The following PCDH7 variants were observed in gnomAD, a reference collection of about 807,000 sequenced individuals.
PCDH7 encodes protocadherin 7.
A neutral mutation model predicts 58.9 loss-of-function variants in PCDH7; 17 were observed. That is an observed-to-expected ratio of 0.29 (90% CI 0.20 to 0.43). PCDH7 has a LOEUF of 0.43. Among genes scored for constraint, PCDH7 ranks in the 20% least tolerant of loss-of-function variants. PCDH7 has a pLI of 1.00. For synonymous variants in PCDH7, 664 were observed against 616.4 expected, an observed-to-expected ratio of 1.08 and a Z score of -1.14; for missense variants, 1,274 against 1,441.0, an observed-to-expected ratio of 0.88 and a Z score of 1.88.
chr4:30,833,617 A>G (rs1041448922), intron 1 of PCDH7, among the ~76,000 whole-genome samples: 4 of 152,194 alleles, frequency 2.6e-5, no homozygotes, highest in Admixed American at 6.5e-5. Flanking sequence ...TACATGGGTA[A>G]GGATGTGGGC....
intron 1 of PCDH7, among the ~76,000 whole-genome samples, chr4:30,914,894 G>T (rs1363872549): frequency 1.3e-5 from 2 of 152,160 alleles, no homozygotes; most frequent in African/African-American, 2.4e-5. Context: ...TCTTGGAATA[G>T]AATTCTTTTC....
At chr4:30,958,681 A>T (rs1370476180) in intron 3 of PCDH7, among the ~76,000 whole-genome samples, 1 of 152,012 alleles carries the variant, frequency 6.6e-6, no homozygotes, top group Non-Finnish European at 1.5e-5. Context: ...GAAATAAATG[A>T]TTATGGTACA....
At chr4:30,901,906 C>G (rs943691240) in intron 1 of PCDH7, among the ~76,000 whole-genome samples, 3 of 152,140 alleles carry the variant, frequency 2.0e-5, no homozygotes, top group South Asian at 4.1e-4. Context: ...GTCTCAGTGC[C>G]TGTTTATCAA....
In PCDH7 at chr4:30,772,159, C is replaced by A. The variant is rs145448975; in HGVS notation, c.70+47563C>A. Among the ~76,000 whole-genome samples, 1,127 of 152,266 alleles carry A rather than the reference C, an allele frequency of 7.4e-3. 11 individuals are homozygous for A. Among genetic ancestry groups the A allele is most frequent in the African/African-American group, 0.025 (1,022 of 41,554 alleles). ...TGCTGGGATTACAGGCGTGAGCCAC[C>A]GCTCTCAGCTATGGGTCACCTTTTC... On this transcript the variant is annotated intron_variant, in intron 1 of 3. Coordinates refer to the PCDH7 transcript ENST00000509759.
At chr4:30,955,966 A>G (rs547367869) in intron 3 of PCDH7, among the ~76,000 whole-genome samples, 1 of 151,456 alleles carries the variant, frequency 6.6e-6, no homozygotes, top group East Asian at 2.0e-4. Flanking sequence ...GGGTGGATCA[A>G]GAGGTCAGGA....
chr4:30,796,279 A>G (rs1267804506), intron 1 of PCDH7, among the ~76,000 whole-genome samples: 5 of 152,200 alleles, frequency 3.3e-5, no homozygotes, highest in Non-Finnish European at 5.9e-5. Flanking sequence ...CTACTTCTCA[A>G]TAGGGGGCCT....
intron 3 of PCDH7, among the ~76,000 whole-genome samples, chr4:31,135,542 A>C (rs566264449): frequency 4.3e-4 from 66 of 152,266 alleles, no homozygotes; most frequent in Non-Finnish European, 7.1e-4. Context: ...TAGAAAACTA[A>C]CTGAAAATAG....
At chr4:30,754,458 A>G (rs1168815281) in intron 1 of PCDH7, among the ~76,000 whole-genome samples, 3 of 152,166 alleles carry the variant, frequency 2.0e-5, no homozygotes, top group Admixed American at 2.0e-4. Flanking sequence ...AAGGTTTTCT[A>G]TGCTTACAAA....
chr4:30,773,274 G>A (rs1721644990), intron 1 of PCDH7, among the ~76,000 whole-genome samples: 1 of 152,166 alleles, frequency 6.6e-6, no homozygotes, highest in African/African-American at 2.4e-5. Context: ...AGCCAGAAGG[G>A]AAACCCATGA....
intron 1 of PCDH7, among the ~76,000 whole-genome samples, chr4:30,774,815 G>A (rs1342008664): frequency 6.6e-6 from 1 of 152,134 alleles, no homozygotes; most frequent in Non-Finnish European, 1.5e-5. Context: ...ATGTAATGAA[G>A]ACATACCTAA....
chr4:30,730,295 GTT>G (rs1279290284), intron 1 of PCDH7, among the ~76,000 whole-genome samples: 2 of 151,548 alleles, frequency 1.3e-5, no homozygotes, highest in African/African-American at 4.8e-5. Context: ...GCTTTTCTTA[GTT>G]TTTTTAAAAA....
At chr4:31,139,002 AACT>A (rs1719944152) in intron 3 of PCDH7, among the ~76,000 whole-genome samples, 2 of 151,886 alleles carry the variant, frequency 1.3e-5, no homozygotes, top group African/African-American at 4.8e-5. Context: ...AAAGAAAAAA[AACT>A]CTACTTTCAA....
intron 1 of PCDH7, among the ~76,000 whole-genome samples, chr4:30,902,025 A>G (rs1740285782): frequency 6.6e-6 from 1 of 152,152 alleles, no homozygotes; most frequent in Non-Finnish European, 1.5e-5. Flanking sequence ...CTCCACGGGC[A>G]TTGGTTTTCT....
At chr4:30,961,585 G>A (rs1440005851) in intron 3 of PCDH7, among the ~76,000 whole-genome samples, 6 of 151,766 alleles carry the variant, frequency 4.0e-5, no homozygotes, top group Non-Finnish European at 8.8e-5. Context: ...AAAAAACCTT[G>A]GCACCTAGTC....
chr4:31,015,038 T>A (rs1231801833), intron 3 of PCDH7, among the ~76,000 whole-genome samples: 2 of 152,200 alleles, frequency 1.3e-5, no homozygotes, highest in Non-Finnish European at 1.5e-5. Flanking sequence ...GTGATGAAGT[T>A]CCTTTTCAAT....
intron 1 of PCDH7, among the ~76,000 whole-genome samples, chr4:30,772,276 T>A (rs1259353456): frequency 1.3e-5 from 2 of 152,218 alleles, no homozygotes. Context: ...TTAAAACTCT[T>A]TGGTTTCCAA....
chr4:31,004,916 A>C (rs1406381263), intron 3 of PCDH7, among the ~76,000 whole-genome samples: 3 of 152,160 alleles, frequency 2.0e-5, no homozygotes, highest in Non-Finnish European at 4.4e-5. Context: ...CTCTGAGCAC[A>C]CAGGATGATT....
In PCDH7 at chr4:30,723,096, G is replaced by A. The variant is rs1210190153; in HGVS notation, c.1674G>A (p.Leu558=). ...CGGGCGAGAGGGTGGCCACGGTGCT[G>A]GCGACAGACGCAGACAGCGGTAAGA... The change falls in exon 1 of 2, where the codon CTG becomes CTA. Residue 558 remains leucine (L), a synonymous_variant. Coordinates refer to ENST00000361762, the Ensembl canonical transcript of PCDH7. The surrounding 1 kb of genome is among the most constrained non-coding windows in gnomAD (Gnocchi z 4.6). 1.2e-6 allele frequency: 2 copies of A among 1,613,836 alleles called. No homozygotes were observed. Among genetic ancestry groups the A allele is most frequent in the African/African-American group, 1.3e-5 (1 of 74,928 alleles).
chr4:31,120,178 G>A (rs2109322256), intron 3 of PCDH7, among the ~76,000 whole-genome samples: 1 of 152,094 alleles, frequency 6.6e-6, no homozygotes, highest in Admixed American at 6.5e-5. Context: ...ATCGAATTAA[G>A]AAACTCATTA....
Sources: gnomAD v4.1 joint callset for allele counts (sites outside exome capture counted in the v4.1 genomes callset) on GRCh38, gnomAD v4.1.1 for gene constraint, Gnocchi (gnomAD v3.1) non-coding constraint, MANE v1.5 for transcripts, NCBI Gene and HGNC (gene_info 2026-07-23, HGNC 2026-07-21) for gene names.